ANK1: variants seen among roughly 807,000 people sequenced by gnomAD.
ANK1 encodes the protein ankyrin-1.
ANK1 carries 51 observed loss-of-function variants against 210.4 expected under a neutral mutation model. That is an observed-to-expected ratio of 0.24 (90% CI 0.19 to 0.31). ANK1 has a LOEUF of 0.31. Among genes scored for constraint, ANK1 ranks in the 10% least tolerant of loss-of-function variants. The probability of loss-of-function intolerance (pLI) is 1.00; values close to 1 mark genes in which losing one functional copy is unlikely to be tolerated. For missense variants in ANK1, 2,051 were observed against 2,504.4 expected, an observed-to-expected ratio of 0.82 and a Z score of 3.86; for synonymous variants, 967 against 1,025.9, an observed-to-expected ratio of 0.94 and a Z score of 1.10.
intron 1 of ANK1, among the ~76,000 whole-genome samples, chr8:41,848,554 G>T (rs1810536156): frequency 6.6e-6 from 1 of 152,182 alleles, no homozygotes; most frequent in Non-Finnish European, 1.5e-5. Context: ...TGGTTTGGGG[G>T]TGCTGTCGTC....
At chr8:41,661,245 G>T in intron 42 of ANK1, 185 bp downstream of exon 42, 1 of 843,114 alleles carries the variant, frequency 1.2e-6, no homozygotes, top group Non-Finnish European at 1.8e-6. Flanking sequence ...TCCTTGATGA[G>T]GAAGCTGGGG....
In ANK1 at chr8:41,723,178, G is replaced by T; in HGVS notation, c.856C>A (p.Arg286=). ...TGGTCCAGCAGGATCTCTGAGATTC[G>T]CACGTGCCCATTTCGAGCTGCACAG... ...LHCAARNGHV[R]ISEILLDHGA... The change falls in exon 9 of 43, where the codon CGA becomes AGA. Residue 286 remains arginine (R), a synonymous_variant. Transcript: ENST00000289734. 1 of 1,614,114 alleles carries T rather than the reference G, an allele frequency of 6.2e-7. No homozygotes were observed. Among genetic ancestry groups the T allele is most frequent in the African/African-American group, 1.3e-5 (1 of 75,030 alleles).
Position 41,797,403 on chromosome 8 carries a change from C to T in ANK1, c.27+109G>A, listed in dbSNP as rs1418200286. 8.2e-6 allele frequency: 8 copies of T among 980,374 alleles called. No individual in the cohort carries two copies. The highest frequency in any genetic ancestry group is 1.1e-5 in the Non-Finnish European group (7 of 632,692). The allele number at this position is 980,374 out of a possible 1,614,324, so 60.7% of individuals were successfully genotyped here. On this transcript the variant is annotated intron_variant, in intron 1 of 42. Transcript: ENST00000289734. This position sits in a 1 kb window ranked among gnomAD's most constrained non-coding sequence, Gnocchi z 4.0. The stretch of plus-strand genomic sequence containing the variant: ...GCAGGGAGCCCACGGGGAGGCGAGG[C>T]GGGTGGGGTGTGCAAAGCTGCTCTT...
chr8:41,801,718 T>G (rs539338770), upstream of ANK1, among the ~76,000 whole-genome samples: 3 of 152,346 alleles, frequency 2.0e-5, no homozygotes, highest in East Asian at 5.8e-4. Flanking sequence ...GTTGTTTGTC[T>G]TTTTCTTATC....
intron 1 of ANK1, among the ~76,000 whole-genome samples, chr8:41,825,165 C>T (rs1309935624): frequency 6.6e-6 from 1 of 152,262 alleles, no homozygotes; most frequent in Non-Finnish European, 1.5e-5. Context: ...AGAGTCAATG[C>T]TGCAGCCACT....
intron 2 of ANK1, among the ~76,000 whole-genome samples, chr8:41,736,161 T>C (rs916333532): frequency 3.3e-5 from 5 of 152,150 alleles, no homozygotes; most frequent in African/African-American, 1.2e-4. Flanking sequence ...AGGGAGAAAG[T>C]GCTTGAGGGC....
chr8:41,841,560 A>C (rs374258794), intron 1 of ANK1, among the ~76,000 whole-genome samples: 48 of 152,266 alleles, frequency 3.2e-4, no homozygotes, highest in Middle Eastern at 3.4e-3. Flanking sequence ...AAAGCAGACA[A>C]ACAAACAAAA....
intron 2 of ANK1, among the ~76,000 whole-genome samples, chr8:41,738,773 A>G (rs967526736): frequency 6.6e-6 from 1 of 152,246 alleles, no homozygotes; most frequent in Non-Finnish European, 1.5e-5. Flanking sequence ...GCTTGCTGAG[A>G]CTTGCTTTGA....
chr8:41,849,617 TG>T (rs1563903924), intron 1 of ANK1, among the ~76,000 whole-genome samples: 1 of 152,202 alleles, frequency 6.6e-6, no homozygotes, highest in Non-Finnish European at 1.5e-5. Flanking sequence ...ATCCTGAGCA[TG>T]ACAATGATCC....
intron 1 of ANK1, among the ~76,000 whole-genome samples, chr8:41,784,307 C>A (rs1185894966): frequency 1.3e-5 from 2 of 152,196 alleles, no homozygotes; most frequent in Non-Finnish European, 2.9e-5. Context: ...GAACTAACAC[C>A]ATCAAAACAA....
At chr8:41,800,188 A>T (rs1038168844), upstream of ANK1, among the ~76,000 whole-genome samples, 16 of 152,024 alleles carry the variant, frequency 1.1e-4, no homozygotes, top group African/African-American at 3.9e-4. Context: ...ACCCCTTCAC[A>T]AGCCCCCACC....
intron 1 of ANK1, among the ~76,000 whole-genome samples, chr8:41,850,322 T>C (rs756551271): frequency 1.3e-5 from 2 of 152,008 alleles, no homozygotes; most frequent in Non-Finnish European, 2.9e-5. Flanking sequence ...CACCTGAGTA[T>C]AGTTGACATT....
rs745770688 is a variant in ANK1 at position 41,696,700 on chromosome 8, G to A, written c.2711C>T (p.Pro904Leu). 18 of 1,603,318 alleles carry A rather than the reference G, an allele frequency of 1.1e-5. No individual in the cohort carries two copies. Among genetic ancestry groups the A allele is most frequent in the Non-Finnish European group, 1.3e-5 (15 of 1,179,924 alleles). ...CCCTGTATGCACCGGGCTGGCCACC[G>A]GGCTGATGTTGTCTGAGGTCTCGGT... ...PATETSDNIS[P>L]VASPVHTGFL... Residue 904 changes from proline to leucine, a missense_variant, in exon 25 of 43, where the codon CCG becomes CTG. By Grantham distance (98) the Pro-to-Leu change is moderately conservative. This residue lies in a region of ANK1 where 1,413 missense variants were observed against 1,707.4 expected (regional missense o/e 0.83). Coordinates refer to ENST00000289734, the MANE Select transcript of ANK1 (RefSeq NM_000037.4).
chr8:41,809,660 C>T (rs944545229), intron 1 of ANK1, among the ~76,000 whole-genome samples: 9 of 152,012 alleles, frequency 5.9e-5, no homozygotes, highest in South Asian at 2.1e-4. Flanking sequence ...CCCAGCTATT[C>T]GGGAGGCTGA....
intron 20 of ANK1, among the ~76,000 whole-genome samples, chr8:41,703,149 A>C (rs1467363811): frequency 1.3e-5 from 2 of 152,046 alleles, no homozygotes; most frequent in East Asian, 3.9e-4. Flanking sequence ...ACATTATTTC[A>C]GAGATAGAAG....
chr8:41,839,323 A>G (rs898876400), intron 1 of ANK1, among the ~76,000 whole-genome samples: 21 of 152,216 alleles, frequency 1.4e-4, no homozygotes, highest in African/African-American at 5.1e-4. Context: ...TTCATCTGAG[A>G]TAAGGAAACC....
rs944315677 is a variant in ANK1, at chr8:41,654,642, C to G, written c.*1148G>C. The G allele has an allele frequency of 6.5e-6, 1 of 152,722 alleles. No individual in the cohort carries two copies. The highest frequency in any genetic ancestry group is 2.4e-5 in the African/African-American group (1 of 41,470). 9.5% of individuals were successfully genotyped at this position (152,722 alleles called of 1,614,324 possible). A position where few individuals can be genotyped will look rare whatever the true frequency, so the allele number is the denominator to read the frequency against. On this transcript the variant is annotated 3_prime_UTR_variant, in exon 43 of 43. Coordinates refer to ENST00000289734, the MANE Select transcript of ANK1 (RefSeq NM_000037.4). ...AGGCCACAGCTCCTTCTCCTGCAGC[C>G]GCAGAAGTCCTCAGGAGCTGCGCTG...
chr8:41,767,696 T>A (rs1842153284), intron 1 of ANK1, among the ~76,000 whole-genome samples: 1 of 152,064 alleles, frequency 6.6e-6, no homozygotes, highest in South Asian at 2.1e-4. Context: ...CAGCCCCAGC[T>A]GCAGGTGCCG....
intron 1 of ANK1, among the ~76,000 whole-genome samples, chr8:41,857,035 T>A (rs1316560596): frequency 2.6e-5 from 4 of 151,828 alleles, no homozygotes; most frequent in Non-Finnish European, 5.9e-5. Context: ...CGCACCACCA[T>A]GCCCGGCTAA....
Sources: gnomAD v4.1 joint callset for allele counts (sites outside exome capture counted in the v4.1 genomes callset) on GRCh38, gnomAD v4.1.1 for gene constraint, gnomAD v4.1.1 regional missense constraint, Gnocchi (gnomAD v3.1) non-coding constraint, MANE v1.5 for transcripts, NCBI Gene and HGNC (gene_info 2026-07-23, HGNC 2026-07-21) for gene names.